The following MYO5A variants were observed in gnomAD, a reference collection of about 807,000 sequenced individuals.
MYO5A encodes the protein myosin VA, also known as unconventional myosin-Va.
In MYO5A, 98 loss-of-function variants were observed where a neutral mutation model predicts 249.7. That is an observed-to-expected ratio of 0.39 (90% CI 0.33 to 0.46). The LOEUF (loss-of-function observed/expected upper bound fraction) is 0.46, where lower values mean the gene tolerates loss of function less well. MYO5A is among the 20% of genes least tolerant of loss of function. The pLI is 0.98. For missense variants in MYO5A, 1,696 were observed against 2,308.8 expected (o/e 0.73, Z 5.44); for synonymous variants, 778 against 810.6 (o/e 0.96, Z 0.68).
intron 34 of MYO5A, among the ~76,000 whole-genome samples, chr15:52,335,389 A>C (rs1323212741): frequency 6.6e-6 from 1 of 151,742 alleles, no homozygotes; most frequent in Non-Finnish European, 1.5e-5. Flanking sequence ...GGTGGCATGC[A>C]CCTGTAATCC....
chr15:52,313,954 T>C (rs1363614017), intron 41 of MYO5A, 106 bp from the exon 42 acceptor site: 55 of 1,436,258 alleles, frequency 3.8e-5, no homozygotes, highest in Non-Finnish European at 4.6e-5. Context: ...ATGAAGAATG[T>C]TTACTTTTGT....
intron 16 of MYO5A, among the ~76,000 whole-genome samples, chr15:52,381,233 T>C (rs1373193827): frequency 1.3e-5 from 2 of 152,156 alleles, no homozygotes; most frequent in South Asian, 2.1e-4. Flanking sequence ...GTCATGGTCC[T>C]GAGGGCTGTC....
intron 1 of MYO5A, among the ~76,000 whole-genome samples, chr15:52,468,445 C>G (rs548603909): frequency 2.6e-4 from 40 of 152,276 alleles, no homozygotes; most frequent in Non-Finnish European, 4.9e-4. Context: ...ACTGCTTGAG[C>G]CCAGGAGTTC....
Position 52,384,253 on chromosome 15 carries a change from C to G in MYO5A, c.1822G>C (p.Gly608Arg). The G allele has an allele frequency of 1.9e-6, 3 of 1,614,204 alleles. No homozygotes were observed. In the East Asian group the frequency reaches 6.7e-5, roughly 36 times the overall value. Reference protein sequence around the residue: ...AISPTSATSSGRTPLTRTPAK... With the variant: ...AISPTSATSSRRTPLTRTPAK... ...GGAGTTCGTGTGAGGGGTGTGCGCC[C>G]TGAGGAGGTGGCTGAAGTTGGACTG... The change falls in exon 15 of 42, where the codon GGG (glycine) becomes CGG (arginine). Residue 608 changes from glycine (G) to arginine (R), a missense_variant. Transcript: ENST00000399233.
intron 32 of MYO5A, among the ~76,000 whole-genome samples, chr15:52,339,679 A>G: frequency 6.6e-6 from 1 of 152,034 alleles, no homozygotes; most frequent in East Asian, 1.9e-4. Flanking sequence ...CCTAACACAC[A>G]CCTCCCTGAC....
chr15:52,313,247 G>A lies in MYO5A; in HGVS notation c.*449C>T, dbSNP rs531329360. On this transcript the variant is annotated 3_prime_UTR_variant, in exon 42 of 42. Transcript: ENST00000399233. ...ATTGATTACTAAACTGACATGATAT[G>A]TACTCAATGGAGACTTTTCTTTCCA... is the stretch of plus-strand genomic sequence containing the variant. 4.7e-5 allele frequency: 9 copies of A among 192,806 alleles called. No homozygotes were observed. The South Asian group carries it at 9.4e-4, about 20-fold the overall frequency. 11.9% of individuals were successfully genotyped at this position (192,806 alleles called of 1,614,324 possible). A position where few individuals can be genotyped will look rare whatever the true frequency, so the allele number is the denominator to read the frequency against.
rs976995501 is a variant in MYO5A at position 52,519,616 on chromosome 15, A to AAAT, written c.27+9161_27+9163dup. ...AACAGAACGAGACCTTGTCTAAAAA[A>AAAT]AATAATAATAATAATAATAATAATA... On this transcript the variant is annotated intron_variant, in intron 1 of 41. Coordinates refer to ENST00000399233, the MANE Select transcript of MYO5A (RefSeq NM_001382347.1). 1.2e-3 allele frequency among the ~76,000 whole-genome samples: 76 copies of AAAT among 61,602 alleles called. 1 individual carries two copies. The highest frequency in any genetic ancestry group is 3.0e-3 in the African/African-American group (71 of 23,704). The allele number at this position is 61,602 out of a possible 152,430, so 40.4% of individuals were successfully genotyped here. A position where few individuals can be genotyped will look rare whatever the true frequency, so the allele number is the denominator to read the frequency against.
rs115972383 is a variant in MYO5A, at chr15:52,399,464, A to G, written c.1054-1998T>C. On this transcript the variant is annotated intron_variant, in intron 9 of 41. Transcript: ENST00000399233. ...ACCATGCACAGTGAATAAAATCTTTATCATTGCAAAGTCACTTTATTTCCC... is the reference window on the plus strand; with the variant it reads ...ACCATGCACAGTGAATAAAATCTTTGTCATTGCAAAGTCACTTTATTTCCC... Among the ~76,000 whole-genome samples the G allele has an allele frequency of 2.3e-3, 344 of 152,246 alleles. 2 individuals carry two copies. Among genetic ancestry groups the G allele is most frequent in the African/African-American group, 8.0e-3 (334 of 41,548 alleles).
intron 1 of MYO5A, among the ~76,000 whole-genome samples, chr15:52,447,038 G>A (rs530075957): frequency 2.6e-4 from 39 of 152,236 alleles, no homozygotes; most frequent in African/African-American, 8.9e-4. Context: ...GGGGACTGTC[G>A]GGAAGGTGTG....
At chr15:52,522,746 C>T (rs2077648772) in intron 1 of MYO5A, among the ~76,000 whole-genome samples, 1 of 151,764 alleles carries the variant, frequency 6.6e-6, no homozygotes, top group Non-Finnish European at 1.5e-5. Flanking sequence ...TTCTCCCATA[C>T]ACGAGTTAGC....
chr15:52,402,047 T>C (rs2042783084), intron 9 of MYO5A, among the ~76,000 whole-genome samples: 1 of 152,054 alleles, frequency 6.6e-6, no homozygotes. Context: ...TGAGTCAATA[T>C]TTCTTGTAAC....
intron 1 of MYO5A, among the ~76,000 whole-genome samples, chr15:52,456,733 T>C (rs2076126652): frequency 6.6e-6 from 1 of 152,196 alleles, no homozygotes; most frequent in Admixed American, 6.5e-5. Flanking sequence ...GACAGTCACC[T>C]CAATAGATGG....
chr15:52,509,741 G>A (rs2077351604), intron 1 of MYO5A, among the ~76,000 whole-genome samples: 1 of 152,318 alleles, frequency 6.6e-6, no homozygotes, highest in Non-Finnish European at 1.5e-5. Context: ...CAAAGAGAGA[G>A]CAGCCTCAAG....
chr15:52,496,818 C>A (rs1234031817), intron 1 of MYO5A, among the ~76,000 whole-genome samples: 7 of 152,138 alleles, frequency 4.6e-5, no homozygotes, highest in Non-Finnish European at 1.0e-4. Context: ...TCAGTCAACC[C>A]CATGAGGTGC....
chr15:52,523,323 T>C (rs1450792891), intron 1 of MYO5A, among the ~76,000 whole-genome samples: 3 of 152,238 alleles, frequency 2.0e-5, no homozygotes. Context: ...CTGTTCAACA[T>C]GCCTGAAAAT....
At chr15:52,524,044 T>C (rs1344359371) in intron 1 of MYO5A, among the ~76,000 whole-genome samples, 2 of 152,196 alleles carry the variant, frequency 1.3e-5, no homozygotes, top group Non-Finnish European at 2.9e-5. Flanking sequence ...TGAGAGGATA[T>C]GTTGGGAATG....
At chr15:52,320,837 C>T (rs565970868) in intron 38 of MYO5A, among the ~76,000 whole-genome samples, 2 of 152,130 alleles carry the variant, frequency 1.3e-5, no homozygotes, top group South Asian at 2.1e-4. Flanking sequence ...CACGGTGAAA[C>T]CCCGTCTCTA....
chr15:52,323,772 G>A (rs930760073), intron 36 of MYO5A: 9 of 321,844 alleles, frequency 2.8e-5, no homozygotes, highest in South Asian at 2.5e-4. Flanking sequence ...GGGAGGCCGA[G>A]GCAGATGGAT....
At chr15:52,395,869 G>A (rs1352996255) in intron 11 of MYO5A, among the ~76,000 whole-genome samples, 1 of 152,164 alleles carries the variant, frequency 6.6e-6, no homozygotes, top group Non-Finnish European at 1.5e-5. Context: ...TATTCACATT[G>A]CCATTGTCCC....
Sources: allele counts gnomAD v4.1 joint callset (sites outside exome capture counted in the v4.1 genomes callset), GRCh38; gene constraint gnomAD v4.1.1; transcripts MANE v1.5; gene names NCBI Gene and HGNC (gene_info 2026-07-23, HGNC 2026-07-21).